P2RX5: variants seen among roughly 807,000 people sequenced by gnomAD.
P2RX5 encodes P2X purinoceptor 5.
In P2RX5, 46 loss-of-function variants were observed where a neutral mutation model predicts 54.1. The ratio of observed to expected loss-of-function variants is 0.85; its 90% CI spans 0.67 to 1.09. P2RX5 has a LOEUF of 1.09. P2RX5 is among the 50% of genes least tolerant of loss of function. The pLI is 0.00. For missense variants in P2RX5, 566 were observed against 549.8 expected (o/e 1.03, Z -0.29); for synonymous variants, 226 against 226.4 (o/e 1.00, Z 0.02).
chr17:3,722,773 G>C, the P2RX5 span, among the ~76,000 whole-genome samples: 22 of 152,252 alleles, frequency 1.4e-4, no homozygotes, highest in African/African-American at 4.3e-4. Flanking sequence ...TTTAGTCTAA[G>C]TGTGCTCAAG....
Position 3,693,409 on chromosome 17 carries a change from C to T in P2RX5, c.138-1615G>A, listed in dbSNP as rs1341445388. 2.8e-4 allele frequency among the ~76,000 whole-genome samples: 42 copies of T among 152,130 alleles called. 1 individual carries two copies. The highest frequency in any genetic ancestry group is 2.8e-3 in the Admixed American group (42 of 15,266). Reference sequence around the variant, plus strand: ...AGCAGTTCCTCAAAAGGTTAAGGATCGAGTTACCAGATAAGCCAGAAAATT... The same window carrying T: ...AGCAGTTCCTCAAAAGGTTAAGGATTGAGTTACCAGATAAGCCAGAAAATT... On this transcript the variant is annotated intron_variant, in intron 1 of 11. Coordinates refer to ENST00000225328, the MANE Select transcript of P2RX5 (RefSeq NM_002561.4).
chr17:3,680,144 TGAGTCCTCCATCCGGTGTCCTC>T (rs2050210522), intron 10 of P2RX5, among the ~76,000 whole-genome samples: 1 of 111,848 alleles, frequency 8.9e-6, no homozygotes. Context: ...TCCTCCACCC[TGAGTCCTCCATCCGGTGTCCTC>T]CACCCTGCAT....
upstream of P2RX5, chr17:3,696,401 CG>C: frequency 6.2e-6 from 1 of 160,718 alleles, no homozygotes; most frequent in South Asian, 2.0e-4. Flanking sequence ...GCAGCGATCG[CG>C]GAGGAGAGGA....
chr17:3,699,431 G>T (rs1264781366), upstream of P2RX5, among the ~76,000 whole-genome samples: 2 of 152,002 alleles, frequency 1.3e-5, no homozygotes, highest in Non-Finnish European at 2.9e-5. Context: ...CACACCTGTA[G>T]TCCTAGCTGC....
the P2RX5 span, chr17:3,723,784 A>T: frequency 3.7e-6 from 6 of 1,600,418 alleles, no homozygotes; most frequent in Non-Finnish European, 3.4e-6. Flanking sequence ...TGAACAAACC[A>T]AGCCGCCAGT....
chr17:3,696,809 G>C (rs903935167), upstream of P2RX5, among the ~76,000 whole-genome samples: 2 of 152,116 alleles, frequency 1.3e-5, no homozygotes, highest in Non-Finnish European at 2.9e-5. Context: ...TCTTCCTATT[G>C]AATAGATGGG....
the P2RX5 span, among the ~76,000 whole-genome samples, chr17:3,713,724 T>G: frequency 9.5e-5 from 14 of 147,878 alleles, no homozygotes; most frequent in Non-Finnish European, 1.9e-4. Flanking sequence ...CACACCAGTC[T>G]GGGCAGTAAG....
At chr17:3,691,545 G>T in intron 2 of P2RX5, 99 bp downstream of exon 2, 1 of 1,446,258 alleles carries the variant, frequency 6.9e-7, no homozygotes, top group South Asian at 1.2e-5. Context: ...GAGAGATGAT[G>T]GATGGGGGTC....
At chr17:3,677,053 C>A in intron 11 of P2RX5, 1 of 980,184 alleles carries the variant, frequency 1.0e-6, no homozygotes, top group Non-Finnish European at 1.2e-6. Context: ...CAGAGCGAGA[C>A]TCTATTTCAA....
chr17:3,716,710 A>G, the P2RX5 span: 1 of 1,603,020 alleles, frequency 6.2e-7, no homozygotes, highest in Non-Finnish European at 8.5e-7. Flanking sequence ...GACCAGAATC[A>G]CGATCAACAC....
the P2RX5 span, chr17:3,720,313 T>A: frequency 6.5e-7 from 1 of 1,540,036 alleles, no homozygotes; most frequent in Admixed American, 1.7e-5. Context: ...TTACCTTAGT[T>A]CTGTGGTTCT....
chr17:3,719,198 C>T, the P2RX5 span, among the ~76,000 whole-genome samples: 2 of 133,064 alleles, frequency 1.5e-5, no homozygotes, highest in Non-Finnish European at 1.5e-5. Flanking sequence ...ATGGCACCAA[C>T]GGACTCCAGC....
At chr17:3,714,543 A>T in the P2RX5 span, 47 of 225,750 alleles carry the variant, frequency 2.1e-4, 1 homozygote, top group Admixed American at 2.3e-4. Flanking sequence ...ATCATTTTTT[A>T]AAAATAAGAA....
chr17:3,704,616 C>T, the P2RX5 span, among the ~76,000 whole-genome samples: 1 of 152,188 alleles, frequency 6.6e-6, no homozygotes, highest in African/African-American at 2.4e-5. Flanking sequence ...GTACTCAGTA[C>T]CCAGCGCCCA....
At chr17:3,720,400 TAACTAG>T in the P2RX5 span, 1 of 1,422,788 alleles carries the variant, frequency 7.0e-7, no homozygotes. Flanking sequence ...CATCTTTTAG[TAACTAG>T]AAGATGGGGA....
chr17:3,674,889 G>A (rs759878958), intron 11 of P2RX5, among the ~76,000 whole-genome samples: 8 of 152,172 alleles, frequency 5.3e-5, no homozygotes, highest in Admixed American at 1.3e-4. Flanking sequence ...ATTTGGTAAG[G>A]GTTCAATGCC....
chr17:3,723,627 C>T, the P2RX5 span: 7 of 1,472,492 alleles, frequency 4.8e-6, no homozygotes, highest in Admixed American at 2.4e-5. Context: ...GTCTCCTGGC[C>T]TCTCGTTACC....
Position 3,690,110 on chromosome 17 carries a change from T to C in P2RX5, c.574A>G (p.Ile192Val), listed in dbSNP as rs779831468. 4 of 1,614,032 alleles carry C rather than the reference T, an allele frequency of 2.5e-6. No homozygotes were observed. Among genetic ancestry groups the C allele is most frequent in the African/African-American group, 2.7e-5 (2 of 74,942 alleles). The change falls in exon 6 of 12, where the codon ATA becomes GTA. Residue 192 changes from isoleucine to valine, a missense_variant. Coordinates refer to ENST00000225328, the MANE Select transcript of P2RX5 (RefSeq NM_002561.4). ...TTGGGGAAACGGATGTGGTTCTTTA[T>C]GAAAATGGTGAAGTCTTCGGCCTCC... ...LKEAEDFTIF[I>V]KNHIRFPKFN...
In P2RX5 at chr17:3,691,798, T is replaced by TG; in HGVS notation, c.138-5dup. ...CTTCTTTATCAGGAACACCCATCTG[T>TG]GGGAAGGGGGCCGGTACGTGGGCAT... On this transcript the variant is annotated splice_polypyrimidine_tract_variant and splice_region_variant and intron_variant, in intron 1 of 11. Transcript: ENST00000225328. 1.9e-6 allele frequency: 3 copies of TG among 1,614,018 alleles called. 1 individual carries two copies. In the South Asian group the frequency reaches 3.3e-5, roughly 18 times the overall value.
Sources: gnomAD v4.1 joint callset for allele counts (sites outside exome capture counted in the v4.1 genomes callset) on GRCh38, gnomAD v4.1.1 for gene constraint, MANE v1.5 for transcripts, NCBI Gene and HGNC (gene_info 2026-07-23, HGNC 2026-07-21) for gene names.